The following LMAN2L variants were observed in gnomAD, a reference collection of about 807,000 sequenced individuals.
The protein encoded by LMAN2L is lectin, mannose binding 2 like, also known as VIP36-like protein.
In LMAN2L, 30 loss-of-function variants were observed where a neutral mutation model predicts 44.3. That is an observed-to-expected ratio of 0.68 (90% CI 0.51 to 0.92). LMAN2L has a LOEUF of 0.92. Ranked by LOEUF, LMAN2L falls within the 40% of genes least tolerant of loss-of-function variation. The pLI is 0.00. For synonymous variants in LMAN2L, 183 were observed against 171.1 expected, an observed-to-expected ratio of 1.07 and a Z score of -0.54; for missense variants, 429 against 446.1, an observed-to-expected ratio of 0.96 and a Z score of 0.35.
intron 4 of LMAN2L, chr2:96,713,213 A>G: frequency 2.3e-6 from 3 of 1,291,064 alleles, no homozygotes; most frequent in East Asian, 5.1e-5. Context: ...AGAAAGACAC[A>G]GCCACAGAAG....
chr2:96,720,324 T>C (rs1024739750), intron 4 of LMAN2L, among the ~76,000 whole-genome samples: 21 of 152,174 alleles, frequency 1.4e-4, no homozygotes, highest in African/African-American at 5.1e-4. Flanking sequence ...TCTCATTCAT[T>C]ACGCTCTGAT....
chr2:96,712,989 G>T (rs1468424390), intron 4 of LMAN2L: 3 of 784,286 alleles, frequency 3.8e-6, no homozygotes, highest in Non-Finnish European at 6.4e-6. Context: ...AGATGGAGAT[G>T]CAGTCGAGAC....
chr2:96,710,305 C>G (rs2077884897), intron 6 of LMAN2L, among the ~76,000 whole-genome samples: 1 of 152,152 alleles, frequency 6.6e-6, no homozygotes, highest in South Asian at 2.1e-4. Context: ...GGAAAGCACA[C>G]CTCAGTAAAG....
intron 4 of LMAN2L, among the ~76,000 whole-genome samples, chr2:96,714,369 G>A (rs369462740): frequency 6.6e-6 from 1 of 152,368 alleles, no homozygotes; most frequent in East Asian, 1.9e-4. Flanking sequence ...ATGGGCCACA[G>A]CCAGGAGTCC....
At chr2:96,715,402 C>T (rs1183135052) in intron 4 of LMAN2L, among the ~76,000 whole-genome samples, 2 of 152,232 alleles carry the variant, frequency 1.3e-5, no homozygotes, top group Non-Finnish European at 2.9e-5. Flanking sequence ...TAGTGTAAGT[C>T]ACTAAATGCC....
intron 4 of LMAN2L, among the ~76,000 whole-genome samples, chr2:96,731,506 C>G (rs1288336027): frequency 6.6e-6 from 1 of 151,816 alleles, no homozygotes; most frequent in African/African-American, 2.4e-5. Context: ...ATTAGCTGGG[C>G]GTGGTGGCGT....
Position 96,712,981 on chromosome 2 carries a change from A to G in LMAN2L, c.508-956T>C, listed in dbSNP as rs1032475175. The stretch of plus-strand genomic sequence containing the variant: ...TTGTCCCAAATGGTTAACATGCAAG[A>G]TGGAGATGCAGTCGAGACCAGAGAC... On this transcript the variant is annotated intron_variant, in intron 4 of 7. Coordinates refer to ENST00000264963, the MANE Select transcript of LMAN2L (RefSeq NM_030805.4). 14 of 746,632 alleles carry G rather than the reference A, an allele frequency of 1.9e-5. No homozygotes were observed. The African/African-American group carries it at 2.1e-4, about 11-fold the overall frequency. The allele number at this position is 746,632 out of a possible 1,614,324, so 46.3% of individuals were successfully genotyped here. A position where few individuals can be genotyped will look rare whatever the true frequency, so the allele number is the denominator to read the frequency against.
chr2:96,727,155 G>GT (rs1262137698), intron 4 of LMAN2L, among the ~76,000 whole-genome samples: 2 of 151,970 alleles, frequency 1.3e-5, no homozygotes, highest in African/African-American at 4.8e-5. Context: ...TTAGCTGTGG[G>GT]TTTTTTCATA....
chr2:96,739,273 G>A (rs1439715733), intron 1 of LMAN2L, among the ~76,000 whole-genome samples: 2 of 152,222 alleles, frequency 1.3e-5, no homozygotes, highest in Non-Finnish European at 2.9e-5. Context: ...AGTGGGGAAA[G>A]ACTTGTGTTA....
chr2:96,722,591 C>T (rs555721097), intron 4 of LMAN2L, among the ~76,000 whole-genome samples: 19 of 152,338 alleles, frequency 1.2e-4, no homozygotes, highest in Non-Finnish European at 2.1e-4. Flanking sequence ...GCTTCACTTG[C>T]TCGCCCACCA....
intron 4 of LMAN2L, among the ~76,000 whole-genome samples, chr2:96,718,921 C>A (rs1272917352): frequency 2.0e-5 from 3 of 152,146 alleles, no homozygotes; most frequent in East Asian, 3.8e-4. Flanking sequence ...AATATCATCA[C>A]GCTCTCTTAA....
chr2:96,734,465 T>G lies in LMAN2L; in HGVS notation c.368A>C (p.Lys123Thr). 2.5e-6 allele frequency: 4 copies of G among 1,614,070 alleles called. No individual in the cohort carries two copies. Among genetic ancestry groups the G allele is most frequent in the Non-Finnish European group, 3.4e-6 (4 of 1,179,884 alleles). The change falls in exon 3 of 8, where the codon AAG becomes ACG. Residue 123 changes from lysine (K) to threonine (T), a missense_variant. By Grantham distance (78) the Lys-to-Thr change is moderately conservative (BLOSUM62 -1). Coordinates refer to ENST00000264963, the MANE Select transcript of LMAN2L (RefSeq NM_030805.4). The part of the protein sequence containing the change: ...VHFKIHGQGK[K>T]NLHGDGLAIW... ...TGCCAAGCCATCCCCATGCAGATTC[T>G]TCTTTCCTTGTCCATGGATTTTGAA...
chr2:96,739,257 C>T (rs1333394943), intron 1 of LMAN2L, among the ~76,000 whole-genome samples: 2 of 152,206 alleles, frequency 1.3e-5, no homozygotes, highest in Non-Finnish European at 2.9e-5. Flanking sequence ...CCACTACCTA[C>T]GCCTTAGTGG....
In LMAN2L at chr2:96,711,924, A is replaced by G. The variant is rs1347799646; in HGVS notation, c.609T>C (p.Ile203=). 5 of 1,614,076 alleles carry G rather than the reference A, an allele frequency of 3.1e-6. No individual in the cohort carries two copies. Among genetic ancestry groups the G allele is most frequent in the Non-Finnish European group, 4.2e-6 (5 of 1,180,052 alleles). ...AGGTGTCGTAATGAAGATTGCGGAC[A>G]ATGGCTGTGCAGCCTCCCAGCTCTG... ...RPTELGGCTA[I]VRNLHYDTFL... is the part of the protein sequence containing the mutation. Residue 203 remains isoleucine (I), a synonymous_variant, in exon 5 of 8, where the codon ATT becomes ATC. Coordinates refer to ENST00000264963, the MANE Select transcript of LMAN2L (RefSeq NM_030805.4).
intron 6 of LMAN2L, among the ~76,000 whole-genome samples, 170 bp downstream of exon 6, chr2:96,711,486 C>T (rs751104492): frequency 7.9e-5 from 12 of 152,128 alleles, no homozygotes; most frequent in Non-Finnish European, 1.5e-4. Context: ...GAAAGCCTGG[C>T]GTGGGTTTTT....
intron 4 of LMAN2L, among the ~76,000 whole-genome samples, chr2:96,714,827 C>CAG (rs1231278844): frequency 6.6e-6 from 1 of 152,182 alleles, no homozygotes; most frequent in Non-Finnish European, 1.5e-5. Flanking sequence ...AGGTAACAGC[C>CAG]AGAGGCATGC....
chr2:96,719,146 T>C (rs1427571168), intron 4 of LMAN2L, among the ~76,000 whole-genome samples: 2 of 152,178 alleles, frequency 1.3e-5, no homozygotes, highest in African/African-American at 2.4e-5. Flanking sequence ...ATCATTCTGA[T>C]AGTATGTCAA....
chr2:96,707,433 G>A, intron 7 of LMAN2L, 35 bp from the exon 8 acceptor site: 1 of 1,590,820 alleles, frequency 6.3e-7, no homozygotes, highest in Non-Finnish European at 8.6e-7. Context: ...TCAGAAAACA[G>A]GGAGCCCACC....
At chr2:96,718,117 G>A (rs896905163) in intron 4 of LMAN2L, among the ~76,000 whole-genome samples, 2 of 152,068 alleles carry the variant, frequency 1.3e-5, no homozygotes, top group Middle Eastern at 3.4e-3. Context: ...CACCAAGCCC[G>A]GCTAATTTTT....
Sources: gnomAD v4.1 joint callset for allele counts (sites outside exome capture counted in the v4.1 genomes callset) on GRCh38, gnomAD v4.1.1 for gene constraint, MANE v1.5 for transcripts, NCBI Gene and HGNC (gene_info 2026-07-23, HGNC 2026-07-21) for gene names.